CKMT2: variants seen among roughly 807,000 people sequenced by gnomAD.
CKMT2 encodes creatine kinase, mitochondrial 2.
CKMT2 carries 43 observed loss-of-function variants against 48.9 expected under a neutral mutation model. The ratio of observed to expected loss-of-function variants is 0.88; its 90% CI spans 0.69 to 1.13. CKMT2 has a LOEUF of 1.13. Ranked by LOEUF, CKMT2 falls within the 50% of genes most tolerant of loss-of-function variation. CKMT2 has a pLI of 0.00. For synonymous variants in CKMT2, 206 were observed against 213.0 expected (o/e 0.97, Z 0.29); for missense variants, 472 against 555.4 (o/e 0.85, Z 1.51).
At position 81,266,008 on chromosome 5, in the gene CKMT2, T is replaced by C. The variant is rs1268961877; in HGVS notation, c.1141-131T>C. ...CCCTTATATCTCTGCCTTCCATTTC[T>C]GAGAAGGAAGGAATTGTTGTGAAGT... On this transcript the variant is annotated intron_variant, in intron 9 of 9. Coordinates refer to ENST00000254035, the MANE Select transcript of CKMT2 (RefSeq NM_001099735.2). The C allele has an allele frequency of 2.1e-5, 15 of 722,268 alleles. No individual in the cohort carries two copies. In the South Asian group the frequency reaches 3.2e-4, roughly 16 times the overall value. The allele number at this position is 722,268 out of a possible 1,614,324, so 44.7% of individuals were successfully genotyped here. A position where few individuals can be genotyped will look rare whatever the true frequency, so the allele number is the denominator to read the frequency against.
At chr5:81,244,363 G>T (rs1345140424) in intron 1 of CKMT2, among the ~76,000 whole-genome samples, 1 of 152,134 alleles carries the variant, frequency 6.6e-6, no homozygotes, top group African/African-American at 2.4e-5. Context: ...TGTCTGCCTT[G>T]ACCTGAGCAG....
rs766419375 is a variant in CKMT2 at position 81,266,195 on chromosome 5, GA to G, written c.1199del (p.Lys400SerfsTer52). 12 of 1,613,426 alleles carry G rather than the reference GA, an allele frequency of 7.4e-6. No homozygotes were observed. The highest frequency in any genetic ancestry group is 5.1e-6 in the Non-Finnish European group (6 of 1,179,386). On this transcript the variant is annotated frameshift_variant, in exon 10 of 10. Coordinates refer to ENST00000254035, the MANE Select transcript of CKMT2 (RefSeq NM_001099735.2). LOFTEE classifies it high-confidence loss of function. ...TCAATTACCTGGTGGATTGTGAAAA[GA>G]AGTTGGAGAGAGGCCAAGATATTAA... ...GVNYLVDCEKKLERGQDIKVP... is the reference protein window; with the variant it reads ...GVNYLVDCEKXLERGQDIKVP...
At chr5:81,235,840 C>T (rs1756228326) in intron 1 of CKMT2, 1 of 152,266 alleles carries the variant, frequency 6.6e-6, no homozygotes, top group African/African-American at 2.4e-5. Flanking sequence ...TGGCTGTGCT[C>T]TTGCACCTCC....
Position 81,254,980 on chromosome 5 carries a change from G to T in CKMT2, c.448-13G>T, listed in dbSNP as rs1368040382. 6.2e-7 allele frequency: 1 copy of T among 1,611,824 alleles called. No homozygotes were observed. Among genetic ancestry groups the T allele is most frequent in the Non-Finnish European group, 8.5e-7 (1 of 1,178,366 alleles). On this transcript the variant is annotated splice_polypyrimidine_tract_variant and intron_variant, in intron 4 of 9. Transcript: ENST00000254035. The stretch of plus-strand genomic sequence containing the variant: ...CGAGGCTGGCCACAGTGACCCCACA[G>T]TCTGCTTGGCAGATCACCCAAGGGC...
At chr5:81,240,273 C>A (rs2112783140) in intron 1 of CKMT2, among the ~76,000 whole-genome samples, 1 of 152,322 alleles carries the variant, frequency 6.6e-6, no homozygotes. Flanking sequence ...CATACTTAGC[C>A]TCCCCTCGGC....
chr5:81,245,425 A>G (rs1466215518), intron 1 of CKMT2: 4 of 152,238 alleles, frequency 2.6e-5, no homozygotes, highest in African/African-American at 7.2e-5. Context: ...AAACAGGGAC[A>G]ATAGCATATA....
intron 8 of CKMT2, among the ~76,000 whole-genome samples, chr5:81,262,671 T>A (rs1025990413): frequency 4.6e-5 from 7 of 150,966 alleles, no homozygotes; most frequent in African/African-American, 7.3e-5. Context: ...CATTAAAAAG[T>A]CAGGAAACAG....
At chr5:81,250,940 A>AACACACACACACACAC (rs142418532) in intron 1 of CKMT2, among the ~76,000 whole-genome samples, 173 bp from the exon 2 acceptor site, 5,008 of 132,904 alleles carry the variant, frequency 0.038, 151 homozygotes, top group Middle Eastern at 0.058. Context: ...AGAAATAGAA[A>AACACACACACACACAC]ACACACACAC....
At chr5:81,254,526 C>G in intron 4 of CKMT2, 35 bp downstream of exon 4, 5 of 1,583,308 alleles carry the variant, frequency 3.2e-6, no homozygotes, top group African/African-American at 1.3e-5. Flanking sequence ...CCCCACGAAG[C>G]TGGCACTCCT....
Position 81,252,899 on chromosome 5 carries a change from A to G in CKMT2, c.351+6A>G. ...GTGACGAGGAGTCCTATGAGGTAAA[A>G]CTATTGGCTGCTGGTTCCAGGGTGG... On this transcript the variant is annotated splice_donor_region_variant and intron_variant, in intron 3 of 9. Coordinates refer to ENST00000254035, the MANE Select transcript of CKMT2 (RefSeq NM_001099735.2). 2 of 1,614,034 alleles carry G rather than the reference A, an allele frequency of 1.2e-6. No individual in the cohort carries two copies. The highest frequency in any genetic ancestry group is 3.3e-5 in the Admixed American group (2 of 60,028).
intron 1 of CKMT2, chr5:81,244,241 G>T (rs1247476137): frequency 1.0e-6 from 1 of 954,278 alleles, no homozygotes; most frequent in African/African-American, 1.8e-5. Context: ...ATGGCTCATA[G>T]AAATCGCAAG....
At chr5:81,247,664 G>C (rs917731787) in intron 1 of CKMT2, among the ~76,000 whole-genome samples, 1 of 152,230 alleles carries the variant, frequency 6.6e-6, no homozygotes, top group African/African-American at 2.4e-5. Context: ...CAGAGCACCA[G>C]CCTGTTCAGT....
chr5:81,243,939 C>T, intron 1 of CKMT2: 1 of 711,730 alleles, frequency 1.4e-6, no homozygotes, highest in Non-Finnish European at 1.7e-6. Context: ...GTGATCCGCC[C>T]ACCTTGGCCT....
At chr5:81,257,265 A>C (rs1757045944) in intron 6 of CKMT2, among the ~76,000 whole-genome samples, 1 of 152,102 alleles carries the variant, frequency 6.6e-6, no homozygotes, top group Non-Finnish European at 1.5e-5. Context: ...CAGAAATAAA[A>C]AATGTTCATG....
chr5:81,238,320 C>A (rs7728465), intron 1 of CKMT2: 2 of 151,600 alleles, frequency 1.3e-5, no homozygotes, highest in Non-Finnish European at 2.9e-5. Flanking sequence ...GGCGACAGAG[C>A]GAGACTGTCT....
At chr5:81,251,092 T>G (rs1451552787) in intron 1 of CKMT2, 21 bp from the exon 2 acceptor site, 1 of 1,604,502 alleles carries the variant, frequency 6.2e-7, no homozygotes, top group Non-Finnish European at 8.5e-7. Context: ...AGCTATCTAA[T>G]CCAGCTTCTT....
At chr5:81,260,036 A>T (rs1308745342) in intron 8 of CKMT2, among the ~76,000 whole-genome samples, 1 of 152,236 alleles carries the variant, frequency 6.6e-6, no homozygotes, top group Non-Finnish European at 1.5e-5. Flanking sequence ...ACCACAGTGC[A>T]ATCAAATTAG....
chr5:81,255,195 A>C lies in CKMT2; in HGVS notation c.650A>C (p.Asp217Ala). ...AAGCTGTCCGAGATGACGGAGCAGG[A>C]CCAGCAGCGGCTCATCGATGTGAGT... ...YYKLSEMTEQ[D>A]QQRLIDDHFL... Residue 217 changes from aspartate (D) to alanine (A), a missense_variant, in exon 5 of 10, where the codon GAC (aspartate) becomes GCC (alanine). Asp to Ala is a moderately radical substitution (Grantham distance 126). Coordinates refer to ENST00000254035, the MANE Select transcript of CKMT2 (RefSeq NM_001099735.2). The C allele has an allele frequency of 3.1e-6, 5 of 1,614,056 alleles. No homozygotes were observed. Among genetic ancestry groups the C allele is most frequent in the Non-Finnish European group, 4.2e-6 (5 of 1,180,010 alleles).
chr5:81,254,370 G>T, intron 3 of CKMT2, 26 bp from the exon 4 acceptor site: 1 of 1,597,264 alleles, frequency 6.3e-7, no homozygotes, highest in Non-Finnish European at 8.6e-7. Flanking sequence ...CAGTTAAAGA[G>T]GAAACACCCA....
Sources: allele counts gnomAD v4.1 joint callset (sites outside exome capture counted in the v4.1 genomes callset), GRCh38; gene constraint gnomAD v4.1.1; transcripts MANE v1.5; gene names NCBI Gene and HGNC (gene_info 2026-07-23, HGNC 2026-07-21).